The following HHIP variants were observed in gnomAD, a reference collection of about 807,000 sequenced individuals.
HHIP encodes hedgehog-interacting protein.
In HHIP, 12 loss-of-function variants were observed where a neutral mutation model predicts 74.0. The observed-to-expected ratio is 0.16, with a 90% CI of 0.10 to 0.26. The LOEUF (loss-of-function observed/expected upper bound fraction) is 0.26. Among genes scored for constraint, HHIP ranks in the 10% least tolerant of loss-of-function variants. The pLI is 1.00. For synonymous variants in HHIP, 309 were observed against 311.6 expected, an observed-to-expected ratio of 0.99 and a Z score of 0.09; for missense variants, 788 against 845.0, an observed-to-expected ratio of 0.93 and a Z score of 0.84.
At position 144,647,754 on chromosome 4, in the gene HHIP, G is replaced by C. The variant is rs181242276; in HGVS notation, c.279+800G>C. Among the ~76,000 whole-genome samples, 274 of 152,206 alleles carry C rather than the reference G, an allele frequency of 1.8e-3. 2 individuals are homozygous for C. The highest frequency in any genetic ancestry group is 6.8e-4 in the Non-Finnish European group (46 of 68,018). On this transcript the variant is annotated intron_variant, in intron 1 of 12. Transcript: ENST00000296575. ...CGCTTGTTTTTGAGTTTGCAATATC[G>C]TTCTTGCCAGGAGATGCAGTCATGG...
chr4:144,649,183 G>T (rs1176565799), intron 1 of HHIP, among the ~76,000 whole-genome samples: 1 of 151,728 alleles, frequency 6.6e-6, no homozygotes, highest in Non-Finnish European at 1.5e-5. Context: ...TTCATAATGT[G>T]TATACAGGAG....
intron 4 of HHIP, among the ~76,000 whole-genome samples, chr4:144,701,259 T>C (rs375838613): frequency 9.2e-5 from 14 of 152,222 alleles, no homozygotes; most frequent in African/African-American, 3.4e-4. Context: ...CAGATGGTCT[T>C]ACTGTTTGTA....
rs369598662 is a variant in HHIP at position 144,742,996 on chromosome 4, A to C, written c.*5039A>C. ...GTATATATATATACATTATATATATATAATATATATATATTATATATATAT... is the reference window on the plus strand; with the variant it reads ...GTATATATATATACATTATATATATCTAATATATATATATTATATATATAT... On this transcript the variant is annotated 3_prime_UTR_variant, in exon 13 of 13. Coordinates refer to ENST00000296575, the MANE Select transcript of HHIP (RefSeq NM_022475.3). 0.04 allele frequency: 30 copies of C among 750 alleles called. 2 individuals are homozygous for C. Among genetic ancestry groups the C allele is most frequent in the African/African-American group, 0.058 (26 of 448 alleles). The allele number at this position is 750 out of a possible 1,614,324, so 0.0% of individuals were successfully genotyped here. A position where few individuals can be genotyped will look rare whatever the true frequency, so the allele number is the denominator to read the frequency against.
intron 3 of HHIP, 59 bp downstream of exon 3, chr4:144,659,005 G>A: frequency 7.1e-7 from 1 of 1,408,334 alleles, no homozygotes; most frequent in Non-Finnish European, 9.8e-7. Context: ...CAAATCTTGT[G>A]GTTTTGACAG....
chr4:144,670,571 C>A (rs531643073), intron 4 of HHIP, among the ~76,000 whole-genome samples: 1 of 150,538 alleles, frequency 6.6e-6, no homozygotes, highest in East Asian at 2.0e-4. Context: ...CTTATTCTAA[C>A]CCAACTTTGA....
intron 2 of HHIP, among the ~76,000 whole-genome samples, chr4:144,657,850 A>G (rs1728594596): frequency 6.6e-6 from 1 of 152,196 alleles, no homozygotes; most frequent in Non-Finnish European, 1.5e-5. Flanking sequence ...ATTATCTCCT[A>G]TAAGTGAGGT....
At chr4:144,684,416 G>A (rs1489039507) in intron 4 of HHIP, among the ~76,000 whole-genome samples, 1 of 149,912 alleles carries the variant, frequency 6.7e-6, no homozygotes, top group East Asian at 2.0e-4. Flanking sequence ...TCGCCACCAC[G>A]CCCGGCTATT....
chr4:144,697,740 TAATAG>T (rs1413335165), intron 4 of HHIP, among the ~76,000 whole-genome samples: 8 of 152,114 alleles, frequency 5.3e-5, no homozygotes, highest in Non-Finnish European at 1.2e-4. Context: ...ATTGTGACTC[TAATAG>T]TTATAAGTAT....
At chr4:144,685,589 G>A (rs1314291104) in intron 4 of HHIP, 1 of 152,108 alleles carries the variant, frequency 6.6e-6, no homozygotes, top group Non-Finnish European at 1.5e-5. Context: ...TCTTGCTCTT[G>A]TACTTTCACA....
intron 4 of HHIP, among the ~76,000 whole-genome samples, chr4:144,677,738 T>G (rs1304357859): frequency 1.3e-5 from 2 of 152,250 alleles, no homozygotes; most frequent in East Asian, 3.8e-4. Flanking sequence ...ACATTCTCCC[T>G]GTGCTTCTTA....
chr4:144,682,355 G>A (rs1729369753), intron 4 of HHIP, among the ~76,000 whole-genome samples: 2 of 152,222 alleles, frequency 1.3e-5, no homozygotes, highest in African/African-American at 4.8e-5. Context: ...GTTTTCCCAT[G>A]AAAACAAAGT....
intron 4 of HHIP, among the ~76,000 whole-genome samples, chr4:144,702,991 C>T (rs369073186): frequency 4.6e-5 from 7 of 151,932 alleles, no homozygotes; most frequent in Non-Finnish European, 7.4e-5. Flanking sequence ...CCGAGGAGGG[C>T]GGATCACCTG....
At chr4:144,676,980 G>A (rs1729186938) in intron 4 of HHIP, among the ~76,000 whole-genome samples, 1 of 152,146 alleles carries the variant, frequency 6.6e-6, no homozygotes, top group African/African-American at 2.4e-5. Context: ...TTGAGATCAG[G>A]CTAAACATGT....
At chr4:144,730,514 T>C (rs1171065715) in intron 11 of HHIP, among the ~76,000 whole-genome samples, 1 of 152,148 alleles carries the variant, frequency 6.6e-6, no homozygotes, top group Non-Finnish European at 1.5e-5. Flanking sequence ...TCCAAAAATT[T>C]AAAGAGTTAT....
intron 10 of HHIP, 47 bp downstream of exon 10, chr4:144,715,477 T>C (rs201353596): frequency 5.2e-5 from 82 of 1,572,328 alleles, no homozygotes; most frequent in Non-Finnish European, 6.5e-5. Flanking sequence ...ACTTCCTTTT[T>C]CAAGAGGCTT....
At chr4:144,685,713 TTG>T (rs967257480) in intron 4 of HHIP, 3 of 152,120 alleles carry the variant, frequency 2.0e-5, no homozygotes, top group Non-Finnish European at 4.4e-5. Flanking sequence ...TCCTCTAGGA[TTG>T]TGTCAGGATT....
intron 4 of HHIP, among the ~76,000 whole-genome samples, chr4:144,696,300 T>C (rs991773799): frequency 1.3e-5 from 2 of 151,882 alleles, no homozygotes; most frequent in African/African-American, 4.8e-5. Flanking sequence ...AACAGGCCAT[T>C]TACTGGCACA....
chr4:144,708,192 G>T lies in HHIP; in HGVS notation c.1182G>T (p.Arg394=), dbSNP rs753317319. The part of the protein sequence containing the change: ...GLSDFTGSVL[R]LDVDTDMCNV... ...GTGATTTCACAGGCTCAGTGCTACG[G>T]CTGGATGTGGACACAGACATGTGCA... The change falls in exon 7 of 13, where the codon CGG becomes CGT. Residue 394 remains arginine (R), a synonymous_variant. Transcript: ENST00000296575. The T allele has an allele frequency of 6.2e-7, 1 of 1,614,052 alleles. No homozygotes were observed. The highest frequency in any genetic ancestry group is 8.5e-7 in the Non-Finnish European group (1 of 1,179,964).
chr4:144,653,084 G>T (rs966784323), intron 2 of HHIP, among the ~76,000 whole-genome samples: 1 of 152,002 alleles, frequency 6.6e-6, no homozygotes, highest in South Asian at 2.1e-4. Context: ...CTTTACACAC[G>T]TTGGATTCTC....
Sources: allele counts gnomAD v4.1 joint callset (sites outside exome capture counted in the v4.1 genomes callset), GRCh38; gene constraint gnomAD v4.1.1; transcripts MANE v1.5; gene names NCBI Gene and HGNC (gene_info 2026-07-23, HGNC 2026-07-21).